DIAPH3: variants seen among roughly 807,000 people sequenced by gnomAD.
The protein encoded by DIAPH3 is diaphanous related formin 3.
DIAPH3 carries 117 observed loss-of-function variants against 144.3 expected under a neutral mutation model. That is an observed-to-expected ratio of 0.81 (90% confidence interval 0.70 to 0.95). DIAPH3 has a LOEUF of 0.95. Ranked by LOEUF, DIAPH3 falls within the 40% of genes least tolerant of loss-of-function variation. DIAPH3 has a pLI of 0.00. For missense variants in DIAPH3, 1,421 were observed against 1,412.7 expected (o/e 1.01, Z -0.09); for synonymous variants, 519 against 488.9 (o/e 1.06, Z -0.81).
intron 27 of DIAPH3, among the ~76,000 whole-genome samples, chr13:59,683,035 A>G (rs542130785): frequency 2.0e-4 from 30 of 152,366 alleles, no homozygotes; most frequent in African/African-American, 7.2e-4. Context: ...TGCAAGGCAC[A>G]AGATAAAGAA....
intron 1 of DIAPH3, among the ~76,000 whole-genome samples, chr13:60,133,449 G>A (rs1336852391): frequency 6.6e-6 from 1 of 151,978 alleles, no homozygotes; most frequent in Non-Finnish European, 1.5e-5. Context: ...TTTACCATTA[G>A]TATGCAGCAT....
rs116342840 is a variant in DIAPH3, at chr13:59,800,242, T to A, written c.3163+10546A>T. ...AGCGTTCCTCAGTTTCTAAGAATGG[T>A]AAACACCATGAGATATATTTTCCCC... On this transcript the variant is annotated intron_variant, in intron 25 of 27. Transcript: ENST00000400324. 1.9e-3 allele frequency among the ~76,000 whole-genome samples: 289 copies of A among 152,312 alleles called. 2 individuals carry two copies. Among genetic ancestry groups the A allele is most frequent in the African/African-American group, 6.4e-3 (266 of 41,566 alleles).
chr13:59,714,327 T>G (rs1395581933), intron 27 of DIAPH3, among the ~76,000 whole-genome samples: 2 of 131,626 alleles, frequency 1.5e-5, no homozygotes, highest in African/African-American at 6.0e-5. Flanking sequence ...GCCACTGCAC[T>G]CCAGCCTGGG....
intron 2 of DIAPH3, among the ~76,000 whole-genome samples, chr13:60,115,211 T>C (rs888689442): frequency 6.6e-6 from 1 of 152,172 alleles, no homozygotes; most frequent in East Asian, 1.9e-4. Context: ...CCTCAATCTA[T>C]ACAATTCACG....
chr13:59,810,878 C>A lies in DIAPH3; in HGVS notation c.3073G>T (p.Glu1025Ter). 3 of 1,612,232 alleles carry A rather than the reference C, an allele frequency of 1.9e-6. No individual in the cohort carries two copies. Among genetic ancestry groups the A allele is most frequent in the Non-Finnish European group, 2.5e-6 (3 of 1,179,588 alleles). ...TCTTTAGCTATTCTGACACGTTTTT[C>A]TTTTTCCTCTGCTTCTCTTTTTTTG... ...NIKKREAEEK[E>*]KRVRIAKELA... The change falls in exon 25 of 28, where the codon GAA becomes TAA. Residue 1025 changes from glutamate (E) to a stop codon, truncating the protein, a stop_gained. Coordinates refer to ENST00000400324, the MANE Select transcript of DIAPH3 (RefSeq NM_001042517.2). LOFTEE classifies it high-confidence loss of function.
chr13:59,763,426 C>T (rs1364542217), intron 27 of DIAPH3, among the ~76,000 whole-genome samples: 1 of 151,990 alleles, frequency 6.6e-6, no homozygotes, highest in Non-Finnish European at 1.5e-5. Context: ...ACCTGAATCC[C>T]AGCACTTTGG....
chr13:60,106,561 T>C (rs184742646), intron 3 of DIAPH3, among the ~76,000 whole-genome samples: 1 of 152,198 alleles, frequency 6.6e-6, no homozygotes, highest in Non-Finnish European at 1.5e-5. Flanking sequence ...AGCTCCCCTT[T>C]CCCGCTAACA....
At chr13:59,839,222 A>C in intron 23 of DIAPH3, 102 bp downstream of exon 23, 8 of 1,433,752 alleles carry the variant, frequency 5.6e-6, no homozygotes, top group Non-Finnish European at 7.7e-6. Flanking sequence ...GTAATTTGGC[A>C]CTACAGAATG....
chr13:60,115,759 T>C (rs1486978372), intron 2 of DIAPH3, among the ~76,000 whole-genome samples: 1 of 152,150 alleles, frequency 6.6e-6, no homozygotes, highest in African/African-American at 2.4e-5. Context: ...AAGATATATA[T>C]AACTTTTTCT....
chr13:59,832,387 T>C (rs1052710704), intron 24 of DIAPH3, among the ~76,000 whole-genome samples: 3 of 151,960 alleles, frequency 2.0e-5, no homozygotes, highest in African/African-American at 7.2e-5. Flanking sequence ...TTCTTTTTCT[T>C]CACACCTCAA....
chr13:59,816,483 T>G (rs1014498802), intron 24 of DIAPH3, among the ~76,000 whole-genome samples: 1 of 151,642 alleles, frequency 6.6e-6, no homozygotes, highest in Non-Finnish European at 1.5e-5. Context: ...TCTTTAGTTA[T>G]GTTCCTTTTT....
chr13:60,037,662 A>T (rs1390598901), intron 5 of DIAPH3, among the ~76,000 whole-genome samples: 1 of 152,068 alleles, frequency 6.6e-6, no homozygotes, highest in Non-Finnish European at 1.5e-5. Context: ...AGCAGAAAGA[A>T]GAAATGAGGA....
chr13:59,737,317 C>T (rs981729430), intron 27 of DIAPH3, among the ~76,000 whole-genome samples: 1 of 148,520 alleles, frequency 6.7e-6, no homozygotes, highest in African/African-American at 2.5e-5. Flanking sequence ...ATAAACAACG[C>T]CATTAAAAAG....
intron 14 of DIAPH3, among the ~76,000 whole-genome samples, chr13:59,977,162 A>G (rs2140646482): frequency 6.6e-6 from 1 of 151,950 alleles, no homozygotes; most frequent in East Asian, 1.9e-4. Context: ...TAGTCAGCAC[A>G]GTGGCTGATG....
Position 60,036,867 on chromosome 13 carries a change from T to C in DIAPH3, c.626+5823A>G, listed in dbSNP as rs138972788. On this transcript the variant is annotated intron_variant, in intron 5 of 27. Coordinates refer to ENST00000400324, the MANE Select transcript of DIAPH3 (RefSeq NM_001042517.2). Reference sequence around the variant, plus strand: ...GGAAATAATAAAGTATAGAGCAAGATGGTCTAACATATACAAAATTAGAGG... The same window carrying C: ...GGAAATAATAAAGTATAGAGCAAGACGGTCTAACATATACAAAATTAGAGG... 3.6e-3 allele frequency among the ~76,000 whole-genome samples: 540 copies of C among 152,110 alleles called. 4 individuals carry two copies. The highest frequency in any genetic ancestry group is 0.013 in the African/African-American group (523 of 41,540).
At chr13:60,075,276 G>A (rs917857992) in intron 4 of DIAPH3, among the ~76,000 whole-genome samples, 1 of 152,050 alleles carries the variant, frequency 6.6e-6, no homozygotes, top group African/African-American at 2.4e-5. Context: ...TTCCTATTGG[G>A]TTGTTCATCT....
intron 20 of DIAPH3, among the ~76,000 whole-genome samples, chr13:59,882,964 C>T (rs1369585152): frequency 5.3e-5 from 8 of 152,232 alleles, no homozygotes; most frequent in Admixed American, 5.2e-4. Flanking sequence ...ATGTTAAAAG[C>T]AGTGACTGGT....
intron 1 of DIAPH3, among the ~76,000 whole-genome samples, chr13:60,163,230 G>GA (rs200793684): frequency 2.6e-5 from 4 of 151,856 alleles, no homozygotes; most frequent in Admixed American, 1.3e-4. Flanking sequence ...ATAATAAGCA[G>GA]AAAAAAAACC....
chr13:60,051,232 A>T (rs974819943), intron 4 of DIAPH3, among the ~76,000 whole-genome samples: 9 of 151,854 alleles, frequency 5.9e-5, no homozygotes, highest in East Asian at 3.9e-4. Context: ...GTGGGAAAAA[A>T]ATATATATAT....
Sources: allele counts gnomAD v4.1 joint callset (sites outside exome capture counted in the v4.1 genomes callset), GRCh38; gene constraint gnomAD v4.1.1; transcripts MANE v1.5; gene names NCBI Gene and HGNC (gene_info 2026-07-23, HGNC 2026-07-21).